Variants in CUX1 observed in about 807,000 individuals in gnomAD.
CUX1 encodes cut like homeobox 1.
A neutral mutation model predicts 158.8 loss-of-function variants in CUX1; 31 were observed. The ratio of observed to expected loss-of-function variants is 0.20; its 90% CI spans 0.15 to 0.26. CUX1 has a LOEUF of 0.26. CUX1 is among the 10% of genes least tolerant of loss of function. CUX1 has a pLI of 1.00. For synonymous variants in CUX1, 879 were observed against 862.1 expected (o/e 1.02, Z -0.34); for missense variants, 1,589 against 2,014.6 (o/e 0.79, Z 4.04).
chr7:101,897,675 A>G (rs927120459), intron 1 of CUX1, among the ~76,000 whole-genome samples: 5 of 152,158 alleles, frequency 3.3e-5, no homozygotes, highest in Admixed American at 2.6e-4. Flanking sequence ...CCCAGCTTCA[A>G]TGTTAAATGA....
At chr7:102,221,048 A>G (rs1446883071) in intron 20 of CUX1, among the ~76,000 whole-genome samples, 1 of 148,994 alleles carries the variant, frequency 6.7e-6, no homozygotes, top group Non-Finnish European at 1.5e-5. Context: ...GGCCACGACC[A>G]CCTCCCCTCT....
chr7:101,899,361 C>T (rs1377781300), intron 1 of CUX1, among the ~76,000 whole-genome samples: 4 of 152,092 alleles, frequency 2.6e-5, no homozygotes, highest in African/African-American at 9.7e-5. Context: ...CCAGCCTGGT[C>T]AACATGGCAA....
chr7:101,919,711 C>T (rs868530086), intron 2 of CUX1, among the ~76,000 whole-genome samples: 5 of 152,154 alleles, frequency 3.3e-5, no homozygotes, highest in Admixed American at 1.3e-4. Context: ...TAGGCACCCG[C>T]GAGGGTTCAG....
chr7:101,898,594 T>C (rs1180469753), intron 1 of CUX1, among the ~76,000 whole-genome samples: 1 of 146,904 alleles, frequency 6.8e-6, no homozygotes, highest in Non-Finnish European at 1.5e-5. Flanking sequence ...TCTTTTTTTT[T>C]TTTTTTTTTT....
chr7:102,205,754 G>A (rs1331720588), intron 20 of CUX1, among the ~76,000 whole-genome samples: 4 of 152,056 alleles, frequency 2.6e-5, no homozygotes, highest in African/African-American at 9.7e-5. Context: ...TGAGAAACTC[G>A]GGCTCCTTCC....
At chr7:102,128,265 C>T (rs532175279) in intron 8 of CUX1, among the ~76,000 whole-genome samples, 21 of 152,276 alleles carry the variant, frequency 1.4e-4, no homozygotes, top group African/African-American at 4.8e-4. Flanking sequence ...TGCTCCATGA[C>T]GTTTGTAGAT....
chr7:102,040,888 G>A (rs1202819945), intron 3 of CUX1, among the ~76,000 whole-genome samples: 2 of 152,190 alleles, frequency 1.3e-5, no homozygotes, highest in Non-Finnish European at 2.9e-5. Context: ...CCCCCAAGGA[G>A]CTCCGTAGCT....
intron 3 of CUX1, among the ~76,000 whole-genome samples, chr7:102,051,561 A>AGG (rs1823500429): frequency 6.6e-6 from 1 of 151,798 alleles, no homozygotes; most frequent in Non-Finnish European, 1.5e-5. Flanking sequence ...AATCAGAGGC[A>AGG]GCAGAATCGT....
intron 8 of CUX1, among the ~76,000 whole-genome samples, chr7:102,148,720 ATATT>A (rs1452813717): frequency 2.7e-5 from 4 of 148,276 alleles, no homozygotes; most frequent in African/African-American, 4.9e-5. Flanking sequence ...TAATATATAT[ATATT>A]ATATATTACT....
intron 1 of CUX1, among the ~76,000 whole-genome samples, chr7:101,892,124 T>G (rs1270350758): frequency 1.3e-5 from 2 of 152,196 alleles, no homozygotes; most frequent in African/African-American, 4.8e-5. Context: ...CAGTCCGGAC[T>G]TTGAGCCTCT....
intron 2 of CUX1, among the ~76,000 whole-genome samples, chr7:102,002,561 G>T (rs1328332772): frequency 6.6e-6 from 1 of 152,230 alleles, no homozygotes; most frequent in African/African-American, 2.4e-5. Flanking sequence ...CGAGTGGCCA[G>T]TCCCCTCCCT....
intron 4 of CUX1, among the ~76,000 whole-genome samples, chr7:102,094,784 G>A (rs146898815): frequency 6.6e-6 from 1 of 152,134 alleles, no homozygotes; most frequent in Non-Finnish European, 1.5e-5. Context: ...TCGTGGTTCT[G>A]TACAAAGGAG....
In CUX1 at chr7:101,901,454, C is replaced by T. The variant is rs572941392; in HGVS notation, c.31-14661C>T. Among the ~76,000 whole-genome samples, 10 of 152,020 alleles carry T rather than the reference C, an allele frequency of 6.6e-5. 1 individual carries two copies. The highest frequency in any genetic ancestry group is 2.1e-4 in the South Asian group (1 of 4,824). On this transcript the variant is annotated intron_variant, in intron 1 of 23. Transcript: ENST00000292535. ...GATTACAGACTTGCACCACCACGCC[C>T]GGCTATTTTTTTGTATTTTTAATAG...
chr7:102,059,045 T>TC (rs1237793115), intron 3 of CUX1, among the ~76,000 whole-genome samples: 2 of 152,242 alleles, frequency 1.3e-5, no homozygotes, highest in Non-Finnish European at 2.9e-5. Context: ...TAAGCTGTGA[T>TC]CTGCTGTCCT....
At chr7:101,983,246 G>A (rs907234021) in intron 2 of CUX1, among the ~76,000 whole-genome samples, 1 of 152,114 alleles carries the variant, frequency 6.6e-6, no homozygotes, top group African/African-American at 2.4e-5. Context: ...GTTATATTTG[G>A]TCTCCATAAA....
chr7:101,827,189 C>T (rs1372436457), intron 1 of CUX1, among the ~76,000 whole-genome samples: 2 of 152,020 alleles, frequency 1.3e-5, no homozygotes, highest in Non-Finnish European at 2.9e-5. Flanking sequence ...GCTGTTCCCC[C>T]TACCCCACCT....
At chr7:102,152,332 G>A (rs1835783539) in intron 8 of CUX1, among the ~76,000 whole-genome samples, 1 of 152,054 alleles carries the variant, frequency 6.6e-6, no homozygotes, top group South Asian at 2.1e-4. Flanking sequence ...CTCCATCCTG[G>A]GCAACAGAAC....
intron 2 of CUX1, among the ~76,000 whole-genome samples, chr7:101,954,084 A>G (rs1809456567): frequency 1.3e-5 from 2 of 152,092 alleles, no homozygotes; most frequent in Non-Finnish European, 2.9e-5. Context: ...CCAGCTACTC[A>G]GGAGGCTGAG....
chr7:102,202,349 A>G (rs984618748), intron 18 of CUX1, 145 bp downstream of exon 18: 12 of 1,175,380 alleles, frequency 1.0e-5, no homozygotes, highest in Non-Finnish European at 1.4e-5. Flanking sequence ...CAGACTTCCA[A>G]GGTGCGGCTG....
Sources: gnomAD v4.1 joint callset for allele counts (sites outside exome capture counted in the v4.1 genomes callset) on GRCh38, gnomAD v4.1.1 for gene constraint, MANE v1.5 for transcripts, NCBI Gene and HGNC (gene_info 2026-07-23, HGNC 2026-07-21) for gene names.